NECAB1: variants seen among roughly 807,000 people sequenced by gnomAD.
The protein encoded by NECAB1 is N-terminal EF-hand calcium binding protein 1.
A neutral mutation model predicts 57.5 loss-of-function variants in NECAB1; 29 were observed. That is an observed-to-expected ratio of 0.50 (90% confidence interval 0.38 to 0.69). The LOEUF is 0.69. Among genes scored for constraint, NECAB1 ranks in the 30% least tolerant of loss-of-function variants. The probability of loss-of-function intolerance (pLI) is 0.00; values close to 1 mark genes in which losing one functional copy is unlikely to be tolerated. For synonymous variants in NECAB1, 142 were observed against 147.7 expected (o/e 0.96, Z 0.28); for missense variants, 372 against 413.8 (o/e 0.90, Z 0.88).
intron 3 of NECAB1, among the ~76,000 whole-genome samples, chr8:90,827,575 A>T (rs1812245182): frequency 6.6e-6 from 1 of 152,042 alleles, no homozygotes; most frequent in African/African-American, 2.4e-5. Context: ...ATCTCTAAAA[A>T]TTCAAGTCTT....
rs1251531308 is a variant in NECAB1 at position 90,957,814 on chromosome 8, G to A, written c.*2302G>A. The A allele has an allele frequency of 1.4e-5, 2 of 144,844 alleles. No individual in the cohort carries two copies. Among genetic ancestry groups the A allele is most frequent in the Non-Finnish European group, 3.1e-5 (2 of 65,516 alleles). The allele number at this position is 144,844 out of a possible 1,614,324, so 9.0% of individuals were successfully genotyped here. ...CTATTTAAAACCCCATTTTCCTAAA[G>A]AACAAAGTAGTAAAATAAAAAAAAA... On this transcript the variant is annotated 3_prime_UTR_variant, in exon 13 of 13. Coordinates refer to ENST00000417640, the MANE Select transcript of NECAB1 (RefSeq NM_022351.5).
rs112248864 is a variant in NECAB1, at chr8:90,864,892, T to C, written c.234-7236T>C. Among the ~76,000 whole-genome samples the C allele has an allele frequency of 1.7e-4, 26 of 152,216 alleles. 1 individual carries two copies. Among genetic ancestry groups the C allele is most frequent in the African/African-American group, 5.8e-4 (24 of 41,532 alleles). The stretch of plus-strand genomic sequence containing the variant: ...AGGAGTATTCTAACGGCCCCACTTA[T>C]TCAGTGTGCTCAATTTTGTACCATT... On this transcript the variant is annotated intron_variant, in intron 3 of 12. Transcript: ENST00000417640.
chr8:90,808,896 C>G (rs2129664485), intron 2 of NECAB1, among the ~76,000 whole-genome samples: 1 of 152,220 alleles, frequency 6.6e-6, no homozygotes, highest in East Asian at 1.9e-4. Flanking sequence ...CTGCCCACCT[C>G]AGCCTCCCAA....
chr8:90,835,278 C>A (rs1812353484), intron 3 of NECAB1, among the ~76,000 whole-genome samples: 1 of 152,144 alleles, frequency 6.6e-6, no homozygotes, highest in South Asian at 2.1e-4. Context: ...CCTCAAATCT[C>A]ATGCTATGCC....
chr8:90,815,593 G>C (rs1291606794), intron 2 of NECAB1, among the ~76,000 whole-genome samples: 1 of 151,802 alleles, frequency 6.6e-6, no homozygotes, highest in Non-Finnish European at 1.5e-5. Flanking sequence ...TGATCTTTTT[G>C]CTATCTTTAT....
chr8:90,928,783 G>A (rs748071076), intron 8 of NECAB1, among the ~76,000 whole-genome samples: 10 of 152,274 alleles, frequency 6.6e-5, no homozygotes, highest in Middle Eastern at 3.4e-3. Context: ...CACATTAACC[G>A]ATGGTTTGCT....
At chr8:90,940,584 G>A in intron 9 of NECAB1, 1 of 496,378 alleles carries the variant, frequency 2.0e-6, no homozygotes, top group South Asian at 3.5e-5. Flanking sequence ...TTTAGCTTCT[G>A]GGACTAGAGG....
intron 1 of NECAB1, among the ~76,000 whole-genome samples, chr8:90,797,039 A>G (rs1811673361): frequency 6.6e-6 from 1 of 152,236 alleles, no homozygotes. Flanking sequence ...ATGAACCAAA[A>G]GTAAGAAATA....
intron 4 of NECAB1, among the ~76,000 whole-genome samples, chr8:90,879,077 ATT>A (rs1491208218): frequency 1.5e-5 from 2 of 131,454 alleles, no homozygotes; most frequent in African/African-American, 7.0e-5. Flanking sequence ...TATAATATAT[ATT>A]ATATATATTA....
intron 3 of NECAB1, among the ~76,000 whole-genome samples, chr8:90,839,714 G>A (rs533674945): frequency 1.3e-4 from 20 of 152,290 alleles, no homozygotes; most frequent in African/African-American, 4.8e-4. Flanking sequence ...AAGCTGAAGG[G>A]CATTCAGCAT....
chr8:90,906,876 C>CACATATATAT (rs375695060), intron 5 of NECAB1, among the ~76,000 whole-genome samples: 2 of 121,764 alleles, frequency 1.6e-5, no homozygotes, highest in East Asian at 2.1e-4. Flanking sequence ...ATGATATACA[C>CACATATATAT]ATATATATAT....
chr8:90,842,662 G>A (rs1174779644), intron 3 of NECAB1, among the ~76,000 whole-genome samples: 1 of 152,230 alleles, frequency 6.6e-6, no homozygotes, highest in African/African-American at 2.4e-5. Flanking sequence ...ACTCAGAGAC[G>A]TTTCCAATGT....
At chr8:90,800,596 G>A (rs1586029323) in intron 1 of NECAB1, among the ~76,000 whole-genome samples, 1 of 152,100 alleles carries the variant, frequency 6.6e-6, no homozygotes, top group Non-Finnish European at 1.5e-5. Context: ...AGTTACATTC[G>A]TGGATACTGA....
chr8:90,934,504 A>G (rs1810485243), intron 9 of NECAB1, 147 bp downstream of exon 9: 5 of 608,914 alleles, frequency 8.2e-6, no homozygotes, highest in Non-Finnish European at 1.1e-5. Flanking sequence ...TTGTTTCTAC[A>G]TTGTGATTTG....
chr8:90,813,339 A>G (rs1586036764), intron 2 of NECAB1, among the ~76,000 whole-genome samples: 1 of 152,014 alleles, frequency 6.6e-6, no homozygotes, highest in East Asian at 1.9e-4. Context: ...ACATGGAGCC[A>G]GGGTAGAATG....
chr8:90,820,050 G>C (rs1812120612), intron 2 of NECAB1, among the ~76,000 whole-genome samples: 1 of 151,816 alleles, frequency 6.6e-6, no homozygotes, highest in Non-Finnish European at 1.5e-5. Context: ...TCCACAATCA[G>C]CCTCCAGCAA....
intron 4 of NECAB1, among the ~76,000 whole-genome samples, chr8:90,875,012 T>A (rs769261445): frequency 3.9e-5 from 6 of 152,094 alleles, no homozygotes; most frequent in Non-Finnish European, 8.8e-5. Flanking sequence ...TAGGCAATTG[T>A]GTTTGAACTC....
At chr8:90,928,331 C>A in intron 8 of NECAB1, 32 bp downstream of exon 8, 1 of 1,505,400 alleles carries the variant, frequency 6.6e-7, no homozygotes, top group Non-Finnish European at 9.2e-7. Context: ...TTCTCTCTTC[C>A]ACTCTTCAAG....
intron 12 of NECAB1, 28 bp downstream of exon 12, chr8:90,951,232 T>C (rs772026481): frequency 1.3e-5 from 17 of 1,329,744 alleles, no homozygotes; most frequent in Middle Eastern, 3.6e-4. Context: ...ACAATGCTTC[T>C]GTGTCCTTTT....
Sources: gnomAD v4.1 joint callset for allele counts (sites outside exome capture counted in the v4.1 genomes callset) on GRCh38, gnomAD v4.1.1 for gene constraint, MANE v1.5 for transcripts, NCBI Gene and HGNC (gene_info 2026-07-23, HGNC 2026-07-21) for gene names.